ESRP1: variants seen among roughly 807,000 people sequenced by gnomAD.
ESRP1 encodes the protein RNA-binding motif protein 35A.
A neutral mutation model predicts 81.7 loss-of-function variants in ESRP1; 33 were observed. That is an observed-to-expected ratio of 0.40 (90% CI 0.31 to 0.54). The LOEUF (loss-of-function observed/expected upper bound fraction) is 0.54, where lower values mean the gene tolerates loss of function less well. Ranked by LOEUF, ESRP1 falls within the 20% of genes least tolerant of loss-of-function variation. The pLI is 0.41. For synonymous variants in ESRP1, 320 were observed against 303.3 expected, an observed-to-expected ratio of 1.06 and a Z score of -0.57; for missense variants, 672 against 833.1, an observed-to-expected ratio of 0.81 and a Z score of 2.38.
intron 9 of ESRP1, among the ~76,000 whole-genome samples, chr8:94,667,381 C>T (rs1258511135): frequency 6.6e-6 from 1 of 151,302 alleles, no homozygotes; most frequent in Non-Finnish European, 1.5e-5. Flanking sequence ...AGTAGGTACC[C>T]CATATATTCA....
Position 94,659,325 on chromosome 8 carries a change from G to A in ESRP1, c.491-2947G>A, listed in dbSNP as rs80204345. Among the ~76,000 whole-genome samples, 128 of 152,240 alleles carry A rather than the reference G, an allele frequency of 8.4e-4. 1 individual carries two copies. In the East Asian group the frequency reaches 0.018, roughly 22 times the overall value. On this transcript the variant is annotated intron_variant, in intron 4 of 15. Transcript: ENST00000433389. Reference sequence around the variant, plus strand: ...AACTTTTTCATTATTCTGTTGTGGCGATCTGTAATCAGTGATCTTTGTTAC... The same window carrying A: ...AACTTTTTCATTATTCTGTTGTGGCAATCTGTAATCAGTGATCTTTGTTAC...
rs143127544 is a variant in ESRP1 at position 94,649,356 on chromosome 8, T to G, written c.490+3074T>G. Among the ~76,000 whole-genome samples, 11 of 152,304 alleles carry G rather than the reference T, an allele frequency of 7.2e-5. 1 individual carries two copies. In the East Asian group the frequency reaches 2.1e-3, roughly 29 times the overall value. ...GCCACCATATCCTGGCCTCATTTAT[T>G]TTTTAATTAGTAGGCTTTATTTTTT... On this transcript the variant is annotated intron_variant, in intron 4 of 15. Coordinates refer to ENST00000433389, the MANE Select transcript of ESRP1 (RefSeq NM_017697.4).
At chr8:94,685,086 ACT>A (rs1809085866) in intron 13 of ESRP1, among the ~76,000 whole-genome samples, 1 of 151,830 alleles carries the variant, frequency 6.6e-6, no homozygotes. Flanking sequence ...TGTTATCAAT[ACT>A]CTCATACTTC....
At chr8:94,669,725 G>A (rs192257600) in intron 10 of ESRP1, among the ~76,000 whole-genome samples, 1 of 151,852 alleles carries the variant, frequency 6.6e-6, no homozygotes, top group East Asian at 1.9e-4. Context: ...AAAAAATTAG[G>A]CAGTCATGGC....
At chr8:94,648,478 C>A (rs756873547) in intron 4 of ESRP1, among the ~76,000 whole-genome samples, 58 of 152,186 alleles carry the variant, frequency 3.8e-4, no homozygotes, top group Non-Finnish European at 8.1e-4. Context: ...CAATTATGTC[C>A]AATCTGAATA....
chr8:94,651,709 C>T (rs527811463), intron 4 of ESRP1, among the ~76,000 whole-genome samples: 22 of 152,024 alleles, frequency 1.4e-4, no homozygotes, highest in African/African-American at 5.1e-4. Flanking sequence ...TTCCACCTCC[C>T]AGAATCAAGC....
intron 15 of ESRP1, among the ~76,000 whole-genome samples, chr8:94,702,572 A>G (rs1809880714): frequency 6.6e-6 from 1 of 152,214 alleles, no homozygotes; most frequent in Non-Finnish European, 1.5e-5. Context: ...AGTCCAGAAT[A>G]ACAGTAAAAA....
At chr8:94,699,783 AGAAGTCACTAAT>A (rs1809746157) in intron 15 of ESRP1, among the ~76,000 whole-genome samples, 1 of 152,186 alleles carries the variant, frequency 6.6e-6, no homozygotes, top group Non-Finnish European at 1.5e-5. Context: ...ACAGGTATAA[AGAAGTCACTAAT>A]AATCTCACCA....
At chr8:94,648,646 C>T (rs1173450835) in intron 4 of ESRP1, among the ~76,000 whole-genome samples, 1 of 152,190 alleles carries the variant, frequency 6.6e-6, no homozygotes, top group Admixed American at 6.5e-5. Flanking sequence ...GCCAAGTGGA[C>T]AGAAGGTCAT....
chr8:94,664,284 C>T (rs1020191669), intron 6 of ESRP1, among the ~76,000 whole-genome samples: 8 of 151,946 alleles, frequency 5.3e-5, no homozygotes, highest in African/African-American at 1.4e-4. Flanking sequence ...CCACCATGCC[C>T]GGCTAATTTC....
At chr8:94,648,183 G>C (rs1817937745) in intron 4 of ESRP1, among the ~76,000 whole-genome samples, 3 of 152,102 alleles carry the variant, frequency 2.0e-5, no homozygotes. Flanking sequence ...CTTGAGCCCA[G>C]GAAGTCGAGG....
intron 13 of ESRP1, among the ~76,000 whole-genome samples, chr8:94,689,342 G>T (rs1308843855): frequency 6.9e-6 from 1 of 145,776 alleles, no homozygotes; most frequent in Non-Finnish European, 1.5e-5. Context: ...ACAATGTTTT[G>T]TAGTTTTCAG....
At chr8:94,680,099 T>TCTCAAACTCCTGGG (rs1245720530) in intron 13 of ESRP1, among the ~76,000 whole-genome samples, 181 of 152,296 alleles carry the variant, frequency 1.2e-3, no homozygotes, top group African/African-American at 4.0e-3. Context: ...CCTAGGCTGG[T>TCTCAAACTCCTGGG]CTCAAACTCC....
At chr8:94,662,410 TA>T in intron 5 of ESRP1, 40 bp downstream of exon 5, 1 of 1,533,360 alleles carries the variant, frequency 6.5e-7, no homozygotes, top group Non-Finnish European at 8.9e-7. Context: ...CCAGAATTCA[TA>T]CTATTTTTCT....
intron 10 of ESRP1, among the ~76,000 whole-genome samples, chr8:94,671,079 T>C (rs1819296714): frequency 6.6e-6 from 1 of 152,236 alleles, no homozygotes; most frequent in South Asian, 2.1e-4. Context: ...TTTAGTGATA[T>C]GTTCAGAATT....
At position 94,674,316 on chromosome 8, in the gene ESRP1, A is replaced by G; in HGVS notation, c.1461A>G (p.Pro487=). Reference sequence around the variant, plus strand: ...TTCCCCCACACACTCAGGGCCGCCCATCAGGAGATGCCTTTATCCAGATGA... The same window carrying G: ...TTCCCCCACACACTCAGGGCCGCCCGTCAGGAGATGCCTTTATCCAGATGA... ...VHMVLNHQGR[P]SGDAFIQMKS... The change falls in exon 12 of 16, where the codon CCA becomes CCG. Residue 487 remains proline (P), a synonymous_variant. Transcript: ENST00000433389. 2 of 1,613,874 alleles carry G rather than the reference A, an allele frequency of 1.2e-6. No homozygotes were observed. The highest frequency in any genetic ancestry group is 4.5e-5 in the East Asian group (2 of 44,880).
At chr8:94,659,475 A>T (rs1464692007) in intron 4 of ESRP1, among the ~76,000 whole-genome samples, 2 of 151,924 alleles carry the variant, frequency 1.3e-5, no homozygotes, top group African/African-American at 2.4e-5. Context: ...TCTCCTTGGG[A>T]CTCCCTATTC....
At chr8:94,655,352 G>A (rs62523416) in intron 4 of ESRP1, among the ~76,000 whole-genome samples, 20,871 of 149,652 alleles carry the variant, frequency 0.14, 1,514 homozygotes, top group East Asian at 0.2. Context: ...CTCCCTAAAT[G>A]CTGGGATTAC....
At position 94,691,369 on chromosome 8, in the gene ESRP1, T is replaced by A. The variant is rs75493609; in HGVS notation, c.1821-1308T>A. Among the ~76,000 whole-genome samples, 1,121 of 152,328 alleles carry A rather than the reference T, an allele frequency of 7.4e-3. 18 individuals carry two copies. The highest frequency in any genetic ancestry group is 0.025 in the African/African-American group (1,049 of 41,574). Reference sequence around the variant, plus strand: ...AGCAACATAGAAGGTTGAGGGCAGCTTAATGTAAAGTAATAGTTCAGGCTC... The same window carrying A: ...AGCAACATAGAAGGTTGAGGGCAGCATAATGTAAAGTAATAGTTCAGGCTC... On this transcript the variant is annotated intron_variant, in intron 13 of 15. Coordinates refer to ENST00000433389, the MANE Select transcript of ESRP1 (RefSeq NM_017697.4).
Sources: gnomAD v4.1 joint callset for allele counts (sites outside exome capture counted in the v4.1 genomes callset) on GRCh38, gnomAD v4.1.1 for gene constraint, MANE v1.5 for transcripts, NCBI Gene and HGNC (gene_info 2026-07-23, HGNC 2026-07-21) for gene names.